Variants in CR1L observed in about 807,000 individuals in gnomAD.
CR1L encodes the protein complement C3b/C4b receptor 1 like.
Under a neutral mutation model 62.3 loss-of-function variants are expected in CR1L, and 59 were observed. The observed-to-expected ratio is 0.95, with a 90% CI of 0.77 to 1.18. The LOEUF (loss-of-function observed/expected upper bound fraction) is 1.18. Ranked by LOEUF, CR1L falls within the 50% of genes most tolerant of loss-of-function variation. The pLI is 0.00. For missense variants in CR1L, 700 were observed against 702.8 expected (o/e 1.00, Z 0.04); for synonymous variants, 279 against 248.7 (o/e 1.12, Z -1.15).
intron 10 of CR1L, chr1:207,710,821 G>T: frequency 6.7e-7 from 1 of 1,487,086 alleles, no homozygotes; most frequent in East Asian, 2.3e-5. Flanking sequence ...CCCTGCAAGT[G>T]ACATGCATTG....
At chr1:207,672,073 C>T (rs1663623014) in intron 1 of CR1L, among the ~76,000 whole-genome samples, 1 of 150,950 alleles carries the variant, frequency 6.6e-6, no homozygotes, top group Non-Finnish European at 1.5e-5. Flanking sequence ...GATCTAAAGG[C>T]ACCAATTGAA....
At position 207,677,690 on chromosome 1, in the gene CR1L, T is replaced by G. The variant is rs1367259518; in HGVS notation, c.277+122T>G. On this transcript the variant is annotated intron_variant, in intron 2 of 11. Transcript: ENST00000508064. Reference sequence around the variant, plus strand: ...TTAGTTTGCTAAGGTGCAATACATATGAGAATTATTCTTGTAGATCATACC... The same window carrying G: ...TTAGTTTGCTAAGGTGCAATACATAGGAGAATTATTCTTGTAGATCATACC... The G allele has an allele frequency of 2.6e-6, 3 of 1,144,770 alleles. No homozygotes were observed. The African/African-American group carries it at 4.7e-5, about 18-fold the overall frequency. 70.9% of individuals were successfully genotyped at this position (1,144,770 alleles called of 1,614,324 possible).
chr1:207,685,675 T>A (rs1200551158), intron 4 of CR1L, among the ~76,000 whole-genome samples: 1 of 152,210 alleles, frequency 6.6e-6, no homozygotes, highest in Non-Finnish European at 1.5e-5. Flanking sequence ...CAGTTCCCAC[T>A]GTCATTCCTG....
intron 1 of CR1L, among the ~76,000 whole-genome samples, chr1:207,662,042 T>A (rs186089300): frequency 2.6e-5 from 4 of 152,364 alleles, no homozygotes; most frequent in African/African-American, 9.6e-5. Context: ...CGTCCCTTTG[T>A]GGGTAACCCG....
intron 9 of CR1L, among the ~76,000 whole-genome samples, chr1:207,707,785 TACACACAC>T (rs10523807): frequency 1.6e-5 from 2 of 126,706 alleles, no homozygotes; most frequent in Non-Finnish European, 3.3e-5. Flanking sequence ...GGCATAGTAT[TACACACAC>T]ACACACACAC....
intron 11 of CR1L, among the ~76,000 whole-genome samples, chr1:207,721,132 A>G (rs1430903278): frequency 6.6e-6 from 1 of 152,226 alleles, no homozygotes; most frequent in Non-Finnish European, 1.5e-5. Context: ...ACTTTGGCAC[A>G]TAAATATACA....
In CR1L at chr1:207,697,682, G is replaced by C; in HGVS notation, c.1039+3G>C. The C allele has an allele frequency of 1.2e-6, 2 of 1,614,010 alleles. No homozygotes were observed. The highest frequency in any genetic ancestry group is 1.7e-6 in the Non-Finnish European group (2 of 1,179,876). ...CCCTGCAGCCCCCAGATGTGAAGGT[G>C]ACTAGACTCTTATCTGGCTTGGTAT... On this transcript the variant is annotated splice_donor_region_variant and intron_variant, in intron 6 of 11. Transcript: ENST00000508064.
intron 1 of CR1L, among the ~76,000 whole-genome samples, chr1:207,648,588 ATG>A (rs1278962999): frequency 4.7e-5 from 2 of 42,824 alleles, no homozygotes; most frequent in East Asian, 4.1e-4. Context: ...AGAAGGAAAC[ATG>A]TGTCAAATTT....
chr1:207,683,732 G>T, intron 3 of CR1L, 140 bp from the exon 4 acceptor site: 1 of 647,590 alleles, frequency 1.5e-6, no homozygotes, highest in Non-Finnish European at 2.4e-6. Context: ...TGTGAAATTT[G>T]GGAAGGTGAT....
intron 1 of CR1L, among the ~76,000 whole-genome samples, chr1:207,657,596 T>A (rs1437136391): frequency 2.6e-5 from 4 of 151,732 alleles, no homozygotes; most frequent in African/African-American, 4.9e-5. Flanking sequence ...CCAAAAAAAA[T>A]AATAAATCAA....
Position 207,699,200 on chromosome 1 carries a change from A to G in CR1L, c.1154A>G (p.Lys385Arg). ...ATTTTCTTCTTTAGATTTCAATTAA[A>G]AGGCAGCTCTGCTAGTTACTGTGTT... is the stretch of plus-strand genomic sequence containing the variant. ...DFVCDEGFQL[K>R]GSSASYCVLA... The change falls in exon 8 of 12, where the codon AAA (lysine) becomes AGA (arginine). Residue 385 changes from lysine to arginine, a missense_variant. Transcript: ENST00000508064. The G allele has an allele frequency of 6.2e-7, 1 of 1,613,694 alleles. No homozygotes were observed.
In CR1L at chr1:207,645,344, G is replaced by T. The variant is rs760854629; in HGVS notation, c.97+14G>T. ...CCTCCTTCTCCGGTAGGACCCCGGGGTGGATTCGCGCGTCCGCGGCGAGGC... is the reference window on the plus strand; with the variant it reads ...CCTCCTTCTCCGGTAGGACCCCGGGTTGGATTCGCGCGTCCGCGGCGAGGC... On this transcript the variant is annotated intron_variant, in intron 1 of 11. Coordinates refer to ENST00000508064, the MANE Select transcript of CR1L (RefSeq NM_175710.2). 8 of 1,613,644 alleles carry T rather than the reference G, an allele frequency of 5.0e-6. No individual in the cohort carries two copies. Among genetic ancestry groups the T allele is most frequent in the Non-Finnish European group, 5.9e-6 (7 of 1,179,640 alleles).
chr1:207,683,768 T>C, intron 3 of CR1L, 104 bp from the exon 4 acceptor site: 1 of 1,065,412 alleles, frequency 9.4e-7, no homozygotes, highest in Non-Finnish European at 1.3e-6. Context: ...AAGTGGAAAA[T>C]GTCCCTCTGA....
intron 4 of CR1L, among the ~76,000 whole-genome samples, chr1:207,685,121 A>G (rs1394917874): frequency 1.3e-5 from 2 of 152,228 alleles, no homozygotes; most frequent in Non-Finnish European, 2.9e-5. Context: ...AGTAAAATAG[A>G]AAAAACAAAC....
At chr1:207,652,750 C>T (rs991741417) in intron 1 of CR1L, 12 of 659,202 alleles carry the variant, frequency 1.8e-5, no homozygotes, top group African/African-American at 1.3e-4. Context: ...ATAAACTAGC[C>T]TTTTTTTTTT....
intron 3 of CR1L, among the ~76,000 whole-genome samples, chr1:207,680,724 C>T (rs1454545694): frequency 2.6e-5 from 4 of 152,188 alleles, no homozygotes; most frequent in Non-Finnish European, 1.5e-5. Flanking sequence ...CAGCAGGCAG[C>T]TGTAACTTCT....
At chr1:207,678,965 C>G (rs1177478708) in intron 3 of CR1L, among the ~76,000 whole-genome samples, 1 of 150,474 alleles carries the variant, frequency 6.6e-6, no homozygotes, top group African/African-American at 2.5e-5. Flanking sequence ...CTATGCTGTT[C>G]TCTTATCTGT....
chr1:207,683,100 C>T (rs1240359960), intron 3 of CR1L, among the ~76,000 whole-genome samples: 1 of 148,144 alleles, frequency 6.8e-6, no homozygotes, highest in Non-Finnish European at 1.5e-5. Context: ...TTCTCTTTCT[C>T]TCTCTCTCTC....
At chr1:207,663,629 C>T (rs2102447701) in intron 1 of CR1L, among the ~76,000 whole-genome samples, 1 of 152,354 alleles carries the variant, frequency 6.6e-6, no homozygotes, top group East Asian at 1.9e-4. Flanking sequence ...GGCTCATGCA[C>T]AGTGCGCTGC....
Sources: allele counts gnomAD v4.1 joint callset (sites outside exome capture counted in the v4.1 genomes callset), GRCh38; gene constraint gnomAD v4.1.1; transcripts MANE v1.5; gene names NCBI Gene and HGNC (gene_info 2026-07-23, HGNC 2026-07-21).